GPC5: variants seen among roughly 807,000 people sequenced by gnomAD.
The protein encoded by GPC5 is glypican-5.
In GPC5, 47 loss-of-function variants were observed where a neutral mutation model predicts 53.9. The ratio of observed to expected loss-of-function variants is 0.87; its 90% CI spans 0.69 to 1.11. GPC5 has a LOEUF of 1.11. Among genes scored for constraint, GPC5 ranks in the 50% most tolerant of loss-of-function variants. GPC5 has a pLI of 0.00. For missense variants in GPC5, 748 were observed against 713.1 expected, an observed-to-expected ratio of 1.05 and a Z score of -0.56; for synonymous variants, 286 against 263.3, an observed-to-expected ratio of 1.09 and a Z score of -0.84.
intron 5 of GPC5, among the ~76,000 whole-genome samples, chr13:91,851,107 G>A (rs2038907854): frequency 6.6e-6 from 1 of 152,100 alleles, no homozygotes; most frequent in African/African-American, 2.4e-5. Context: ...CAATCAGAGA[G>A]GTGAGGTCTG....
chr13:92,091,981 A>G (rs2041384829), intron 6 of GPC5, among the ~76,000 whole-genome samples: 1 of 152,210 alleles, frequency 6.6e-6, no homozygotes, highest in Non-Finnish European at 1.5e-5. Flanking sequence ...GTGGATCTAA[A>G]TAAATATATT....
intron 6 of GPC5, among the ~76,000 whole-genome samples, chr13:92,125,924 G>GTTTTTTTTTT (rs1190169532): frequency 1.6e-4 from 12 of 75,866 alleles, no homozygotes; most frequent in African/African-American, 5.8e-4. Context: ...TTGTTTTTTG[G>GTTTTTTTTTT]TTTTTTTTTT....
chr13:92,634,743 T>C (rs976362189), intron 7 of GPC5, among the ~76,000 whole-genome samples: 1 of 152,016 alleles, frequency 6.6e-6, no homozygotes, highest in Non-Finnish European at 1.5e-5. Context: ...TCATTGCCTC[T>C]TTGCCCCTTT....
intron 5 of GPC5, among the ~76,000 whole-genome samples, chr13:91,859,838 A>T (rs945471418): frequency 4.6e-5 from 7 of 151,772 alleles, no homozygotes; most frequent in African/African-American, 1.4e-4. Context: ...TATTTTTCCA[A>T]TATAAGAATT....
At chr13:91,457,228 G>A (rs1248163895) in intron 2 of GPC5, among the ~76,000 whole-genome samples, 1 of 151,816 alleles carries the variant, frequency 6.6e-6, no homozygotes, top group Non-Finnish European at 1.5e-5. Context: ...AATATCCAAT[G>A]TAACTAATTA....
rs138278239 is a variant in GPC5, at chr13:92,513,139, G to A, written c.1562-353143G>A. On this transcript the variant is annotated intron_variant, in intron 7 of 7. Coordinates refer to ENST00000377067, the MANE Select transcript of GPC5 (RefSeq NM_004466.6). ...AGAGGGATGGGAAGACGTATTGTTC[G>A]TACTTGAATACTGTTCTTCTAGGAG... Among the ~76,000 whole-genome samples the A allele has an allele frequency of 4.8e-3, 733 of 152,282 alleles. 7 individuals are homozygous for A. The highest frequency in any genetic ancestry group is 0.016 in the African/African-American group (668 of 41,570).
intron 2 of GPC5, among the ~76,000 whole-genome samples, chr13:91,560,834 C>A (rs546190429): frequency 6.6e-6 from 1 of 152,086 alleles, no homozygotes; most frequent in African/African-American, 2.4e-5. Context: ...CTTGAGTCAC[C>A]ACAGTGGAGA....
intron 7 of GPC5, among the ~76,000 whole-genome samples, chr13:92,331,099 C>A (rs1380851198): frequency 6.6e-6 from 1 of 152,040 alleles, no homozygotes; most frequent in Non-Finnish European, 1.5e-5. Context: ...TAATAAGGAT[C>A]GGTACATGTC....
At chr13:92,035,118 G>A (rs538268564) in intron 6 of GPC5, among the ~76,000 whole-genome samples, 6 of 152,152 alleles carry the variant, frequency 3.9e-5, no homozygotes, top group South Asian at 4.2e-4. Flanking sequence ...GGGAGGCTGA[G>A]GCAGGAGAAT....
intron 7 of GPC5, among the ~76,000 whole-genome samples, chr13:92,649,911 G>C (rs1885898589): frequency 6.6e-6 from 1 of 151,966 alleles, no homozygotes; most frequent in African/African-American, 2.4e-5. Flanking sequence ...AAAAATGCTA[G>C]GCTAGGCAAG....
Position 92,441,139 on chromosome 13 carries a change from T to A in GPC5, c.1561+296150T>A, listed in dbSNP as rs570163237. On this transcript the variant is annotated intron_variant, in intron 7 of 7. Transcript: ENST00000377067. ...CCGGCTGGGGTGCAGTGGCACGATC[T>A]CGGCTCACTGCAACCTCTGCCTCCT... Among the ~76,000 whole-genome samples, 21 of 152,320 alleles carry A rather than the reference T, an allele frequency of 1.4e-4. No individual in the cohort carries two copies. In the East Asian group the frequency reaches 3.3e-3, roughly 24 times the overall value.
At chr13:91,787,564 T>C (rs1373576258) in intron 5 of GPC5, among the ~76,000 whole-genome samples, 4 of 152,114 alleles carry the variant, frequency 2.6e-5, no homozygotes, top group African/African-American at 7.2e-5. Context: ...CTGAAGAAAG[T>C]AGGGGGAGAA....
chr13:92,739,854 A>AAAAC (rs200687382), intron 7 of GPC5, among the ~76,000 whole-genome samples: 1,987 of 152,190 alleles, frequency 0.013, 21 homozygotes, highest in Non-Finnish European at 0.018. Context: ...GAACAAAAAC[A>AAAAC]AAACAAACAA....
chr13:92,424,256 A>G (rs914471517), intron 7 of GPC5, among the ~76,000 whole-genome samples: 1 of 152,016 alleles, frequency 6.6e-6, no homozygotes, highest in African/African-American at 2.4e-5. Context: ...AATAAAACCA[A>G]TTATTTATTC....
intron 7 of GPC5, among the ~76,000 whole-genome samples, chr13:92,710,493 G>C (rs938933112): frequency 2.0e-5 from 3 of 152,188 alleles, no homozygotes; most frequent in Non-Finnish European, 4.4e-5. Context: ...ACATAGTAGA[G>C]AATAGAACAA....
rs549526951 is a variant in GPC5, at chr13:92,034,258, G to A, written c.1402-110572G>A. On this transcript the variant is annotated intron_variant, in intron 6 of 7. Coordinates refer to ENST00000377067, the MANE Select transcript of GPC5 (RefSeq NM_004466.6). ...CGTCTGTAATCTCAGCACTTTGGGAGGCTGAGGCGGGTGGATCACTTCAGG... is the reference window on the plus strand; with the variant it reads ...CGTCTGTAATCTCAGCACTTTGGGAAGCTGAGGCGGGTGGATCACTTCAGG... 8.7e-4 allele frequency among the ~76,000 whole-genome samples: 132 copies of A among 152,284 alleles called. 1 individual carries two copies. The Middle Eastern group carries it at 0.034, about 39-fold the overall frequency.
At chr13:92,601,591 T>C (rs1447380167) in intron 7 of GPC5, among the ~76,000 whole-genome samples, 1 of 150,752 alleles carries the variant, frequency 6.6e-6, no homozygotes, top group Non-Finnish European at 1.5e-5. Context: ...GAAACACATA[T>C]TGCTCATTTT....
chr13:91,829,431 G>A (rs2038622311), intron 5 of GPC5, among the ~76,000 whole-genome samples: 1 of 152,066 alleles, frequency 6.6e-6, no homozygotes, highest in Non-Finnish European at 1.5e-5. Flanking sequence ...AGGACATAAT[G>A]AGAATGATTT....
intron 6 of GPC5, among the ~76,000 whole-genome samples, chr13:91,993,667 A>G (rs1371964537): frequency 3.9e-5 from 6 of 152,174 alleles, no homozygotes; most frequent in Admixed American, 3.3e-4. Flanking sequence ...AATATCCACA[A>G]TGAACATTTT....
Sources: allele counts gnomAD v4.1 joint callset (sites outside exome capture counted in the v4.1 genomes callset), GRCh38; gene constraint gnomAD v4.1.1; transcripts MANE v1.5; gene names NCBI Gene and HGNC (gene_info 2026-07-23, HGNC 2026-07-21).